The following FAM184A variants were observed in gnomAD, a reference collection of about 807,000 sequenced individuals.
The protein encoded by FAM184A is protein FAM184A.
Under a neutral mutation model 143.8 loss-of-function variants are expected in FAM184A, and 99 were observed. The ratio of observed to expected loss-of-function variants is 0.69; its 90% CI spans 0.58 to 0.81. FAM184A has a LOEUF of 0.81. FAM184A is among the 40% of genes least tolerant of loss of function. The pLI, the probability that FAM184A is intolerant of heterozygous loss-of-function variation, is 0.00. For synonymous variants in FAM184A, 427 were observed against 446.4 expected (o/e 0.96, Z 0.55); for missense variants, 1,217 against 1,310.5 (o/e 0.93, Z 1.10).
Position 118,962,171 on chromosome 6 carries a change from C to CT in FAM184A, c.3139-209dup, listed in dbSNP as rs1439218096. ...CATGGAATCCTCAAAGACAGACATGCTACCAGGGCAGAAAGAATGAGGAAG... is the reference window on the plus strand; with the variant it reads ...CATGGAATCCTCAAAGACAGACATGCTTACCAGGGCAGAAAGAATGAGGAAG... On this transcript the variant is annotated intron_variant, in intron 16 of 17. Transcript: ENST00000338891. The CT allele has an allele frequency of 3.7e-5, 21 of 570,524 alleles. No individual in the cohort carries two copies. The Admixed American group carries it at 4.9e-4, about 13-fold the overall frequency. 35.3% of individuals were successfully genotyped at this position (570,524 alleles called of 1,614,324 possible).
At chr6:119,084,655 G>A (rs1161843994) in intron 1 of FAM184A, among the ~76,000 whole-genome samples, 1 of 152,242 alleles carries the variant, frequency 6.6e-6, no homozygotes, top group African/African-American at 2.4e-5. Flanking sequence ...GTCCCAGTGA[G>A]GACTCTGTGT....
chr6:119,067,498 T>C (rs1283739416), intron 1 of FAM184A, among the ~76,000 whole-genome samples: 1 of 152,194 alleles, frequency 6.6e-6, no homozygotes, highest in East Asian at 1.9e-4. Context: ...AACCCCAAAA[T>C]CTAACACTCA....
At chr6:119,087,766 A>C (rs1206749474) in intron 1 of FAM184A, among the ~76,000 whole-genome samples, 1 of 152,230 alleles carries the variant, frequency 6.6e-6, no homozygotes, top group East Asian at 1.9e-4. Context: ...AAAATAATTG[A>C]AAGCAAAGAC....
intron 1 of FAM184A, among the ~76,000 whole-genome samples, chr6:119,106,359 C>A (rs1024799408): frequency 6.6e-6 from 1 of 152,164 alleles, no homozygotes; most frequent in Non-Finnish European, 1.5e-5. Flanking sequence ...TGCCACTGCA[C>A]TCCAGGGTGG....
At chr6:119,046,653 A>G (rs572162817) in intron 1 of FAM184A, among the ~76,000 whole-genome samples, 63 of 152,312 alleles carry the variant, frequency 4.1e-4, no homozygotes, top group Non-Finnish European at 7.1e-4. Flanking sequence ...TTTGTGCTGT[A>G]TATCAAGTAA....
intron 14 of FAM184A, among the ~76,000 whole-genome samples, chr6:118,969,993 A>ATATAAAATATATATATAT (rs1189865476): frequency 8.2e-5 from 2 of 24,374 alleles, no homozygotes; most frequent in East Asian, 2.0e-3. Context: ...ATATATATAT[A>ATATAAAATATATATATAT]ATATATATAT....
chr6:119,108,128 A>AGT lies in FAM184A; in HGVS notation c.-202+40948_-202+40949dup, dbSNP rs57693047. On this transcript the variant is annotated intron_variant, in intron 1 of 16. Coordinates refer to the FAM184A transcript ENST00000352896. ...TTTGAAAGTTTGAGAAGCACTTGTT[A>AGT]GTGTGTGTGTGTGTGTGTGTGTGGT... Among the ~76,000 whole-genome samples the AGT allele has an allele frequency of 2.1e-3, 312 of 147,348 alleles. 1 individual carries two copies. The highest frequency in any genetic ancestry group is 5.5e-3 in the African/African-American group (214 of 39,130).
rs150399955 is a variant in FAM184A, at chr6:119,125,338, G to A, written c.-202+23740C>T. 3.2e-4 allele frequency among the ~76,000 whole-genome samples: 48 copies of A among 152,202 alleles called. No homozygotes were observed. The East Asian group carries it at 5.4e-3, about 17-fold the overall frequency. On this transcript the variant is annotated intron_variant, in intron 1 of 16. Coordinates refer to the FAM184A transcript ENST00000352896. The stretch of plus-strand genomic sequence containing the variant: ...GTCACCCAGGCTGGAGTGCAATGGC[G>A]TGGCTTGGCTCACTGCAACCTCCGC...
intron 1 of FAM184A, among the ~76,000 whole-genome samples, chr6:119,062,364 A>G (rs192934628): frequency 2.0e-4 from 30 of 152,292 alleles, no homozygotes; most frequent in African/African-American, 6.7e-4. Flanking sequence ...TACACAGGGC[A>G]TAAGATTGGT....
chr6:118,977,254 A>C (rs1367288190), intron 11 of FAM184A, among the ~76,000 whole-genome samples: 2 of 152,200 alleles, frequency 1.3e-5, no homozygotes, highest in Admixed American at 1.3e-4. Flanking sequence ...ATGACTTCAG[A>C]TAATTATGCC....
At chr6:119,094,277 T>C (rs1788449982) in intron 1 of FAM184A, among the ~76,000 whole-genome samples, 1 of 152,108 alleles carries the variant, frequency 6.6e-6, no homozygotes, top group African/African-American at 2.4e-5. Context: ...CTTGCTGTCA[T>C]GGAAGACTTC....
At chr6:118,982,521 A>G (rs190318266) in intron 9 of FAM184A, among the ~76,000 whole-genome samples, 204 of 152,356 alleles carry the variant, frequency 1.3e-3, no homozygotes, top group African/African-American at 4.8e-3. Context: ...CTGCTCACCA[A>G]GCTGTCTGCC....
chr6:119,099,145 G>A (rs1788580732), intron 1 of FAM184A, among the ~76,000 whole-genome samples: 1 of 152,018 alleles, frequency 6.6e-6, no homozygotes, highest in Non-Finnish European at 1.5e-5. Context: ...AAACAAAAAA[G>A]CTTCCCGGAG....
chr6:119,116,041 G>T (rs903058566), intron 1 of FAM184A, among the ~76,000 whole-genome samples: 2 of 149,250 alleles, frequency 1.3e-5, no homozygotes, highest in African/African-American at 4.9e-5. Flanking sequence ...AGAGAGCAGG[G>T]ACTAGAGACT....
intron 1 of FAM184A, among the ~76,000 whole-genome samples, chr6:119,103,928 G>GA (rs199961401): frequency 0.042 from 3,029 of 72,642 alleles, 212 homozygotes; most frequent in Admixed American, 0.2. Flanking sequence ...TCCGTGTAGA[G>GA]AAAAAAAAAA....
At chr6:118,982,237 T>C (rs1392653129) in intron 9 of FAM184A, among the ~76,000 whole-genome samples, 1 of 152,126 alleles carries the variant, frequency 6.6e-6, no homozygotes, top group African/African-American at 2.4e-5. Context: ...AAAATAGACA[T>C]TTGTGAACAC....
chr6:119,138,584 G>A (rs1562165664), intron 1 of FAM184A, among the ~76,000 whole-genome samples: 2 of 150,634 alleles, frequency 1.3e-5, no homozygotes, highest in Non-Finnish European at 3.0e-5. Context: ...CTCCTTCCTC[G>A]CTCTTTCACT....
At chr6:119,006,096 T>C in intron 7 of FAM184A, 3 of 765,214 alleles carry the variant, frequency 3.9e-6, no homozygotes, top group Non-Finnish European at 7.2e-6. Context: ...CCAATATGCC[T>C]GGTATCCTTT....
chr6:119,050,082 A>G (rs948689812), intron 1 of FAM184A, among the ~76,000 whole-genome samples: 1 of 152,240 alleles, frequency 6.6e-6, no homozygotes, highest in African/African-American at 2.4e-5. Flanking sequence ...AAGAAAGGTC[A>G]ATATCACTGA....
Sources: allele counts gnomAD v4.1 joint callset (sites outside exome capture counted in the v4.1 genomes callset), GRCh38; gene constraint gnomAD v4.1.1; transcripts MANE v1.5; gene names NCBI Gene and HGNC (gene_info 2026-07-23, HGNC 2026-07-21).